Variants in ACSS2 observed in about 807,000 individuals in gnomAD.
ACSS2 encodes the protein acyl-CoA synthetase short chain family member 2.
In ACSS2, 58 loss-of-function variants were observed where a neutral mutation model predicts 90.6. The observed-to-expected ratio is 0.64, with a 90% CI of 0.52 to 0.80. The LOEUF (loss-of-function observed/expected upper bound fraction) is 0.80, where lower values mean the gene tolerates loss of function less well. ACSS2 is among the 30% of genes least tolerant of loss of function. ACSS2 has a pLI of 0.00. For missense variants in ACSS2, 759 were observed against 912.0 expected, an observed-to-expected ratio of 0.83 and a Z score of 2.16; for synonymous variants, 300 against 330.9, an observed-to-expected ratio of 0.91 and a Z score of 1.01.
Position 34,921,436 on chromosome 20 carries a change from G to A in ACSS2, c.1384G>A (p.Val462Met), listed in dbSNP as rs780114513. The A allele has an allele frequency of 3.3e-5, 53 of 1,614,042 alleles. 1 individual carries two copies. The South Asian group carries it at 4.5e-4, about 14-fold the overall frequency. Residue 462 changes from valine (V) to methionine (M), a missense_variant, in exon 11 of 18, where the codon GTG (valine) becomes ATG (methionine). Coordinates refer to ENST00000360596, the MANE Select transcript of ACSS2 (RefSeq NM_018677.4). ...RVVGAQRCPIVDTFWQTETGG... is the reference protein window; with the variant it reads ...RVVGAQRCPIMDTFWQTETGG... ...GGTAGGTGCCCAGCGCTGCCCCATC[G>A]TGGACACCTTCTGGCAAACAGAGAC...
At chr20:34,919,047 G>C (rs2081135273) in intron 7 of ACSS2, among the ~76,000 whole-genome samples, 1 of 152,184 alleles carries the variant, frequency 6.6e-6, no homozygotes, top group Non-Finnish European at 1.5e-5. Flanking sequence ...GTGTGGGAAA[G>C]AAACATGGTG....
chr20:34,925,646 C>A, intron 14 of ACSS2, 52 bp from the exon 15 acceptor site: 2 of 1,558,388 alleles, frequency 1.3e-6, no homozygotes, highest in African/African-American at 1.4e-5. Flanking sequence ...TAATGTGGAT[C>A]AGGTATCCTA....
chr20:34,910,809 CA>C (rs111576767), intron 2 of ACSS2, among the ~76,000 whole-genome samples: 12 of 152,168 alleles, frequency 7.9e-5, no homozygotes, highest in African/African-American at 2.6e-4. Flanking sequence ...GGAAAAAAAC[CA>C]CTAAGGGAAA....
At chr20:34,893,564 T>G (rs1255563166) in intron 2 of ACSS2, 1 of 151,300 alleles carries the variant, frequency 6.6e-6, no homozygotes, top group Non-Finnish European at 1.5e-5. Context: ...TTTTTGTATT[T>G]TTAGTGGAGA....
At chr20:34,902,161 A>G (rs1017787345) in intron 2 of ACSS2, among the ~76,000 whole-genome samples, 6 of 152,156 alleles carry the variant, frequency 3.9e-5, no homozygotes, top group Non-Finnish European at 8.8e-5. Flanking sequence ...CTGAACACCT[A>G]TTATATACAA....
At chr20:34,919,360 C>T in intron 7 of ACSS2, 75 bp from the exon 8 acceptor site, 1 of 1,586,006 alleles carries the variant, frequency 6.3e-7, no homozygotes, top group Non-Finnish European at 8.6e-7. Context: ...ACCTCATTCC[C>T]TCCAGGGGCA....
At chr20:34,880,172 T>C (rs2080035953) in intron 1 of ACSS2, among the ~76,000 whole-genome samples, 1 of 151,606 alleles carries the variant, frequency 6.6e-6, no homozygotes, top group Non-Finnish European at 1.5e-5. Flanking sequence ...AACATCTCTT[T>C]ACTAATCACT....
In ACSS2 at chr20:34,927,402, G is replaced by T. The variant is rs778845437; in HGVS notation, c.*188G>T. 2.2e-5 allele frequency: 17 copies of T among 760,544 alleles called. No homozygotes were observed. Among genetic ancestry groups the T allele is most frequent in the Non-Finnish European group, 3.4e-5 (16 of 474,126 alleles). 47.1% of individuals were successfully genotyped at this position (760,544 alleles called of 1,614,324 possible). ...TGTGACTGCCAGGCAGAAAGGACAG[G>T]GCCCAGGTCAGCCTCAGTCTGCTGT... On this transcript the variant is annotated 3_prime_UTR_variant, in exon 18 of 18. Coordinates refer to ENST00000360596, the MANE Select transcript of ACSS2 (RefSeq NM_018677.4). This position sits in a 1 kb window ranked among gnomAD's most constrained non-coding sequence, Gnocchi z 4.2.
intron 2 of ACSS2, among the ~76,000 whole-genome samples, chr20:34,887,851 A>G (rs2080236748): frequency 1.3e-5 from 2 of 152,084 alleles, no homozygotes; most frequent in Non-Finnish European, 1.5e-5. Flanking sequence ...CGGGCGGATC[A>G]CCTTAGGTCA....
chr20:34,898,935 C>T (rs1222428452), intron 2 of ACSS2, among the ~76,000 whole-genome samples: 3 of 152,208 alleles, frequency 2.0e-5, no homozygotes, highest in East Asian at 3.8e-4. Flanking sequence ...CTGCAGGTCC[C>T]GAGCCCTGCC....
Position 34,914,397 on chromosome 20 carries a change from G to A in ACSS2, c.794G>A (p.Ser265Asn). The A allele has an allele frequency of 6.2e-7, 1 of 1,613,938 alleles. No homozygotes were observed. Among genetic ancestry groups the A allele is most frequent in the African/African-American group, 1.3e-5 (1 of 75,050 alleles). The change falls in exon 7 of 18, where the codon AGC becomes AAC. Residue 265 changes from serine (S) to asparagine (N), a missense_variant. Physicochemically the swap from Ser to Asn is conservative, Grantham distance 46. Transcript: ENST00000360596. ...GAGCTCGGCATGGGTGACTCCACCA[G>A]CCAGTCCCCCCCAATTAAGAGGTCA... ...RAELGMGDST[S>N]QSPPIKRSCP... is the part of the protein sequence containing the mutation.
chr20:34,891,897 ACT>A (rs772740460), intron 2 of ACSS2, among the ~76,000 whole-genome samples: 56 of 151,756 alleles, frequency 3.7e-4, no homozygotes, highest in Non-Finnish European at 5.9e-5. Context: ...TGCTCTGAAG[ACT>A]CTGTCTTGAG....
chr20:34,878,140 G>A (rs557618833), intron 1 of ACSS2, among the ~76,000 whole-genome samples: 1 of 152,156 alleles, frequency 6.6e-6, no homozygotes, highest in African/African-American at 2.4e-5. Flanking sequence ...TTGCCATGTT[G>A]CCCAGGCTGG....
chr20:34,896,443 A>T (rs935753515), intron 2 of ACSS2, among the ~76,000 whole-genome samples: 1 of 152,134 alleles, frequency 6.6e-6, no homozygotes, highest in Non-Finnish European at 1.5e-5. Flanking sequence ...TCCAGCATCT[A>T]TCTTGTTTAT....
intron 2 of ACSS2, chr20:34,908,713 TA>T (rs2080869900): frequency 7.2e-6 from 2 of 279,238 alleles, no homozygotes; most frequent in South Asian, 6.5e-5. Flanking sequence ...ATGCAAAAAT[TA>T]GCCAGGTGTG....
intron 8 of ACSS2, among the ~76,000 whole-genome samples, chr20:34,920,314 G>T (rs2081168041): frequency 6.6e-6 from 1 of 152,164 alleles, no homozygotes; most frequent in Non-Finnish European, 1.5e-5. Flanking sequence ...GAGGGTGCTG[G>T]TATGAATGAT....
chr20:34,926,143 G>T lies in ACSS2; in HGVS notation c.1765G>T (p.Val589Leu), dbSNP rs2081314071. 2 of 1,614,112 alleles carry T rather than the reference G, an allele frequency of 1.2e-6. No individual in the cohort carries two copies. ...TACAGCAGAGGTGGAGTCAGCACTT[G>T]TGGAACATGAGGCTGTTGCAGAGGC... The part of the protein sequence containing the change: ...LSTAEVESAL[V>L]EHEAVAEAAV... The change falls in exon 16 of 18, where the codon GTG becomes TTG. Residue 589 changes from valine (V) to leucine (L), a missense_variant. Val to Leu is a conservative substitution (Grantham distance 32). Transcript: ENST00000360596.
At chr20:34,923,041 C>G in intron 13 of ACSS2, 1 of 319,248 alleles carries the variant, frequency 3.1e-6, no homozygotes, top group Non-Finnish European at 5.9e-6. Flanking sequence ...CCGTGCTAGG[C>G]AATTTCCATA....
chr20:34,894,983 C>A (rs1234266289), intron 2 of ACSS2, among the ~76,000 whole-genome samples: 5 of 152,168 alleles, frequency 3.3e-5, no homozygotes. Context: ...GAGTTAGAAT[C>A]TCCAGAGGAT....
Sources: allele counts gnomAD v4.1 joint callset (sites outside exome capture counted in the v4.1 genomes callset), GRCh38; gene constraint gnomAD v4.1.1; non-coding constraint Gnocchi (gnomAD v3.1); transcripts MANE v1.5; gene names NCBI Gene and HGNC (gene_info 2026-07-23, HGNC 2026-07-21).